The following PLD5 variants were observed in gnomAD, a reference collection of about 807,000 sequenced individuals.
PLD5 encodes the protein inactive phospholipase D5.
In PLD5, 36 loss-of-function variants were observed where a neutral mutation model predicts 61.1. That is an observed-to-expected ratio of 0.59 (90% CI 0.45 to 0.78). The LOEUF (loss-of-function observed/expected upper bound fraction) is 0.78, where lower values mean the gene tolerates loss of function less well. PLD5 is among the 30% of genes least tolerant of loss of function. PLD5 has a pLI of 0.00. For missense variants in PLD5, 515 were observed against 644.4 expected, an observed-to-expected ratio of 0.80 and a Z score of 2.17; for synonymous variants, 243 against 242.8, an observed-to-expected ratio of 1.00 and a Z score of -0.01.
intron 1 of PLD5, among the ~76,000 whole-genome samples, chr1:242,421,119 G>A (rs1358201842): frequency 7.0e-6 from 1 of 142,778 alleles, no homozygotes; most frequent in East Asian, 2.1e-4. Context: ...GGTGAAGGTT[G>A]CAGTGATCCG....
chr1:242,326,884 G>A (rs1347884339), intron 2 of PLD5, among the ~76,000 whole-genome samples: 3 of 149,398 alleles, frequency 2.0e-5, no homozygotes, highest in South Asian at 2.1e-4. Flanking sequence ...TTTTTTTTCC[G>A]AGACAGAGTC....
At chr1:242,111,057 A>ATTT (rs112040049) in intron 7 of PLD5, among the ~76,000 whole-genome samples, 6 of 145,470 alleles carry the variant, frequency 4.1e-5, no homozygotes, top group South Asian at 4.4e-4. Context: ...GGGCTTCTGA[A>ATTT]TTTTTTTTTT....
intron 2 of PLD5, among the ~76,000 whole-genome samples, chr1:242,299,020 G>A (rs1287157319): frequency 3.3e-5 from 5 of 149,320 alleles, no homozygotes; most frequent in African/African-American, 1.2e-4. Context: ...AAAGACAGGT[G>A]ATTGGAAAAA....
intron 9 of PLD5, 61 bp from the exon 10 acceptor site, chr1:242,090,171 T>A (rs1350841720): frequency 2.5e-6 from 4 of 1,575,970 alleles, no homozygotes; most frequent in East Asian, 2.3e-5. Flanking sequence ...ATACCCAATA[T>A]AATGAAATTC....
At chr1:242,312,448 T>A (rs1676756837) in intron 2 of PLD5, among the ~76,000 whole-genome samples, 1 of 152,100 alleles carries the variant, frequency 6.6e-6, no homozygotes, top group African/African-American at 2.4e-5. Flanking sequence ...CTGGTTAATG[T>A]CTCAATTTCT....
intron 1 of PLD5, among the ~76,000 whole-genome samples, chr1:242,401,323 C>T (rs1663919450): frequency 6.6e-6 from 1 of 152,154 alleles, no homozygotes; most frequent in African/African-American, 2.4e-5. Context: ...CAGATAGTTG[C>T]AACAGCCTTC....
chr1:242,308,994 A>G (rs1558451147), intron 2 of PLD5, among the ~76,000 whole-genome samples: 1 of 152,126 alleles, frequency 6.6e-6, no homozygotes. Context: ...TGGAGCGGGG[A>G]AAAAGATGAG....
At chr1:242,401,840 G>A (rs1663951733) in intron 1 of PLD5, among the ~76,000 whole-genome samples, 1 of 152,204 alleles carries the variant, frequency 6.6e-6, no homozygotes, top group African/African-American at 2.4e-5. Context: ...GCTGGTAGAG[G>A]CCTTGAGGAC....
At chr1:242,329,332 T>G (rs1471667923) in intron 2 of PLD5, among the ~76,000 whole-genome samples, 1 of 152,136 alleles carries the variant, frequency 6.6e-6, no homozygotes, top group Admixed American at 6.5e-5. Flanking sequence ...CAATTTAAAA[T>G]TTTGGTGTTT....
chr1:242,350,384 G>A (rs1279543593), intron 1 of PLD5, among the ~76,000 whole-genome samples: 2 of 151,454 alleles, frequency 1.3e-5, no homozygotes, highest in East Asian at 2.0e-4. Context: ...CTTTGGTCAG[G>A]CAGCCAGGCA....
chr1:242,368,052 C>T (rs1008221827), intron 1 of PLD5, among the ~76,000 whole-genome samples: 1 of 152,130 alleles, frequency 6.6e-6, no homozygotes, highest in Admixed American at 6.6e-5. Context: ...AATTCCACTG[C>T]CTGCATCAGC....
intron 4 of PLD5, among the ~76,000 whole-genome samples, chr1:242,229,467 A>G (rs1010583679): frequency 1.3e-5 from 2 of 152,208 alleles, no homozygotes; most frequent in Admixed American, 6.5e-5. Context: ...ATGTACTACT[A>G]TTAAAGCTGT....
Position 242,398,658 on chromosome 1 carries a change from G to A in PLD5, c.190-50416C>T, listed in dbSNP as rs377016985. Among the ~76,000 whole-genome samples, 8 of 138,538 alleles carry A rather than the reference G, an allele frequency of 5.8e-5. No homozygotes were observed. The East Asian group carries it at 1.2e-3, about 21-fold the overall frequency. The allele number at this position is 138,538 out of a possible 152,430, so 90.9% of individuals were successfully genotyped here. A position where few individuals can be genotyped will look rare whatever the true frequency, so the allele number is the denominator to read the frequency against. On this transcript the variant is annotated intron_variant, in intron 1 of 9. Transcript: ENST00000536534. ...TAAATTCTTGTTATATTAGCTTTGC[G>A]ACCTTGAACTTAGTCACTTAACTCT...
chr1:242,507,454 C>T (rs1668765100), intron 1 of PLD5, among the ~76,000 whole-genome samples: 1 of 152,140 alleles, frequency 6.6e-6, no homozygotes, highest in African/African-American at 2.4e-5. Context: ...AAGGACCTTC[C>T]TTGTTATAAT....
At chr1:242,177,297 C>T (rs1316306608) in intron 5 of PLD5, among the ~76,000 whole-genome samples, 1 of 152,126 alleles carries the variant, frequency 6.6e-6, no homozygotes, top group East Asian at 1.9e-4. Context: ...CCACCATTCT[C>T]ATCAAACTAA....
chr1:242,272,218 T>G (rs749091014), intron 3 of PLD5, among the ~76,000 whole-genome samples: 3 of 152,080 alleles, frequency 2.0e-5, no homozygotes, highest in Non-Finnish European at 2.9e-5. Context: ...CTTTGAGAGC[T>G]GTAAACTGAG....
chr1:242,470,719 T>C (rs1667425661), intron 1 of PLD5, among the ~76,000 whole-genome samples: 1 of 152,188 alleles, frequency 6.6e-6, no homozygotes, highest in Admixed American at 6.5e-5. Flanking sequence ...CCAGCTTCGG[T>C]ATGGATAAAA....
At chr1:242,396,342 G>A (rs971090222) in intron 1 of PLD5, among the ~76,000 whole-genome samples, 1 of 152,146 alleles carries the variant, frequency 6.6e-6, no homozygotes, top group African/African-American at 2.4e-5. Context: ...GTTGGACACT[G>A]GATGGTCAAT....
At chr1:242,273,369 T>C (rs1456198742) in intron 3 of PLD5, among the ~76,000 whole-genome samples, 1 of 152,154 alleles carries the variant, frequency 6.6e-6, no homozygotes, top group Non-Finnish European at 1.5e-5. Context: ...CTATTGTAAA[T>C]AGAGGCACAA....
Sources: gnomAD v4.1 joint callset for allele counts (sites outside exome capture counted in the v4.1 genomes callset) on GRCh38, gnomAD v4.1.1 for gene constraint, MANE v1.5 for transcripts, NCBI Gene and HGNC (gene_info 2026-07-23, HGNC 2026-07-21) for gene names.